The following LHFPL3 variants were observed in gnomAD, a reference collection of about 807,000 sequenced individuals.
LHFPL3 encodes the protein LHFPL tetraspan subfamily member 3, also known as LHFPL tetraspan subfamily member 3 protein.
LHFPL3 carries 5 observed loss-of-function variants against 19.3 expected under a neutral mutation model. The ratio of observed to expected loss-of-function variants is 0.26; its 90% CI spans 0.14 to 0.54. The LOEUF (loss-of-function observed/expected upper bound fraction) is 0.54. Ranked by LOEUF, LHFPL3 falls within the 20% of genes least tolerant of loss-of-function variation. The pLI is 0.94. For missense variants in LHFPL3, 249 were observed against 307.4 expected (o/e 0.81, Z 1.42); for synonymous variants, 133 against 126.2 (o/e 1.05, Z -0.36).
At chr7:104,396,842 C>G (rs1032515585) in intron 1 of LHFPL3, among the ~76,000 whole-genome samples, 2 of 151,732 alleles carry the variant, frequency 1.3e-5, no homozygotes, top group African/African-American at 4.8e-5. Flanking sequence ...TGATGGCCTG[C>G]GTCTGTGGTC....
intron 1 of LHFPL3, among the ~76,000 whole-genome samples, chr7:104,669,934 G>A (rs1327688682): frequency 3.3e-5 from 5 of 152,292 alleles, no homozygotes; most frequent in Non-Finnish European, 7.4e-5. Context: ...GGCAGTAGGG[G>A]AGGGAGGTAG....
chr7:104,859,311 A>G (rs977263324), intron 2 of LHFPL3, among the ~76,000 whole-genome samples: 1 of 151,688 alleles, frequency 6.6e-6, no homozygotes, highest in Non-Finnish European at 1.5e-5. Context: ...TCACATTTCT[A>G]TTACCACCCT....
At chr7:104,347,753 G>A (rs544808315) in intron 1 of LHFPL3, among the ~76,000 whole-genome samples, 37 of 151,992 alleles carry the variant, frequency 2.4e-4, no homozygotes, top group Non-Finnish European at 4.6e-4. Context: ...TTAGTCGGGC[G>A]TGGTGGCACG....
chr7:104,403,051 T>A (rs1008025020), intron 1 of LHFPL3, among the ~76,000 whole-genome samples: 4 of 150,872 alleles, frequency 2.7e-5, no homozygotes, highest in Admixed American at 6.6e-5. Flanking sequence ...CACCGGGGCC[T>A]GTCAGGGGGT....
Position 104,743,977 on chromosome 7 carries a change from A to G in LHFPL3, c.682+7066A>G, listed in dbSNP as rs553661559. ...ACAGCCTCCTAAAGTAGCTGGGACCACAGGCACACACCACCACACCCTGCA... is the reference window on the plus strand; with the variant it reads ...ACAGCCTCCTAAAGTAGCTGGGACCGCAGGCACACACCACCACACCCTGCA... On this transcript the variant is annotated intron_variant, in intron 2 of 2. Transcript: ENST00000424859. The G allele has an allele frequency of 3.3e-5, 5 of 151,224 alleles. No homozygotes were observed. In the South Asian group the frequency reaches 8.4e-4, roughly 25 times the overall value. The allele number at this position is 151,224 out of a possible 1,614,324, so 9.4% of individuals were successfully genotyped here.
intron 1 of LHFPL3, among the ~76,000 whole-genome samples, chr7:104,578,831 T>C (rs902849706): frequency 1.3e-5 from 2 of 152,166 alleles, no homozygotes; most frequent in African/African-American, 4.8e-5. Context: ...TCAACTGAGA[T>C]ACAACTCACT....
rs1270855430 is a variant in LHFPL3, at chr7:104,840,601, G to A, written c.683-65586G>A. Among the ~76,000 whole-genome samples, 3 of 147,428 alleles carry A rather than the reference G, an allele frequency of 2.0e-5. No homozygotes were observed. In the South Asian group the frequency reaches 6.5e-4, roughly 32 times the overall value. On this transcript the variant is annotated intron_variant, in intron 2 of 2. Transcript: ENST00000424859. ...CCTGAAGTACTGGGATTACGGGCAG[G>A]AGCTACCACTCCCAGGTTCTTTCAT...
In LHFPL3 at chr7:104,462,367, T is replaced by C. The variant is rs547013973; in HGVS notation, c.445+133143T>C. On this transcript the variant is annotated intron_variant, in intron 1 of 2. Coordinates refer to ENST00000424859, the MANE Select transcript of LHFPL3 (RefSeq NM_199000.3). ...TTCAGTATGATAGTGGCTGTGAGTT[T>C]GTCATGGATGGCTATTATTTTGAGG... 2.4e-4 allele frequency among the ~76,000 whole-genome samples: 36 copies of C among 152,326 alleles called. No homozygotes were observed. The South Asian group carries it at 4.6e-3, about 19-fold the overall frequency.
chr7:104,442,028 C>T (rs931134854), intron 1 of LHFPL3, among the ~76,000 whole-genome samples: 2 of 151,990 alleles, frequency 1.3e-5, no homozygotes, highest in Admixed American at 1.3e-4. Flanking sequence ...GCAAGGGTTT[C>T]AATTTCTCTA....
At chr7:104,438,723 G>T (rs1364351400) in intron 1 of LHFPL3, among the ~76,000 whole-genome samples, 2 of 151,866 alleles carry the variant, frequency 1.3e-5, no homozygotes, top group Non-Finnish European at 2.9e-5. Flanking sequence ...AAATCCAAAA[G>T]TAAGTAGAAT....
chr7:104,802,520 G>T (rs372795318), intron 2 of LHFPL3, among the ~76,000 whole-genome samples: 4 of 140,026 alleles, frequency 2.9e-5, no homozygotes, highest in South Asian at 2.4e-4. Context: ...AAAAAAGAGA[G>T]AGAGAGCAAG....
intron 1 of LHFPL3, chr7:104,668,398 A>T: frequency 6.3e-7 from 1 of 1,597,086 alleles, no homozygotes; most frequent in Non-Finnish European, 8.6e-7. Context: ...AGAAGAGGTG[A>T]TGATAGCTTT....
chr7:104,865,403 A>G (rs1791702567), intron 2 of LHFPL3, among the ~76,000 whole-genome samples: 2 of 152,240 alleles, frequency 1.3e-5, no homozygotes, highest in South Asian at 4.1e-4. Flanking sequence ...GCTGAAAACC[A>G]AGGCACGAGA....
At chr7:104,559,087 T>A (rs6975424) in intron 1 of LHFPL3, among the ~76,000 whole-genome samples, 1 of 146,852 alleles carries the variant, frequency 6.8e-6, no homozygotes, top group Non-Finnish European at 1.5e-5. Flanking sequence ...CTGTAGCCTT[T>A]CAGTGTAGTT....
intron 1 of LHFPL3, among the ~76,000 whole-genome samples, chr7:104,494,970 C>G (rs905561322): frequency 6.6e-6 from 1 of 152,146 alleles, no homozygotes; most frequent in Non-Finnish European, 1.5e-5. Flanking sequence ...ACACAACACA[C>G]CAGTTTCCAC....
At chr7:104,513,084 A>G (rs1182205715) in intron 1 of LHFPL3, among the ~76,000 whole-genome samples, 1 of 152,242 alleles carries the variant, frequency 6.6e-6, no homozygotes, top group East Asian at 1.9e-4. Context: ...TAAAATATGT[A>G]TTAAAATAAA....
At chr7:104,801,105 G>A (rs1790236751) in intron 2 of LHFPL3, among the ~76,000 whole-genome samples, 1 of 152,194 alleles carries the variant, frequency 6.6e-6, no homozygotes, top group Non-Finnish European at 1.5e-5. Flanking sequence ...GAACAGAGAG[G>A]TTCTAAGAAC....
In LHFPL3 at chr7:104,602,014, T is replaced by A. The variant is rs1159593171; in HGVS notation, c.446-134661T>A. On this transcript the variant is annotated intron_variant, in intron 1 of 2. Transcript: ENST00000424859. ...TTCCATTAGCAATTTATTTTCTTTTTCTTTTCTTTTTTTTTTTTTTTTTTT... is the reference window on the plus strand; with the variant it reads ...TTCCATTAGCAATTTATTTTCTTTTACTTTTCTTTTTTTTTTTTTTTTTTT... 3.9e-5 allele frequency among the ~76,000 whole-genome samples: 4 copies of A among 102,452 alleles called. No homozygotes were observed. The Admixed American group carries it at 5.5e-4, about 14-fold the overall frequency. 67.2% of individuals were successfully genotyped at this position (102,452 alleles called of 152,430 possible).
intron 2 of LHFPL3, among the ~76,000 whole-genome samples, chr7:104,763,234 C>A (rs1794405841): frequency 6.6e-6 from 1 of 152,166 alleles, no homozygotes; most frequent in South Asian, 2.1e-4. Context: ...TCACAATGTC[C>A]CAACCTTCGC....
Sources: gnomAD v4.1 joint callset for allele counts (sites outside exome capture counted in the v4.1 genomes callset) on GRCh38, gnomAD v4.1.1 for gene constraint, MANE v1.5 for transcripts, NCBI Gene and HGNC (gene_info 2026-07-23, HGNC 2026-07-21) for gene names.